The following SIRPD variants were observed in gnomAD, a reference collection of about 807,000 sequenced individuals.
The protein encoded by SIRPD is signal regulatory protein delta.
Under a neutral mutation model 18.0 loss-of-function variants are expected in SIRPD, and 21 were observed. The observed-to-expected ratio is 1.17, with a 90% confidence interval of 0.83 to 1.68. SIRPD has a LOEUF of 1.68. Ranked by LOEUF, SIRPD falls within the 40% of genes most tolerant of loss-of-function variation. SIRPD has a pLI of 0.00. For missense variants in SIRPD, 295 were observed against 238.4 expected, an observed-to-expected ratio of 1.24 and a Z score of -1.56; for synonymous variants, 106 against 92.9, an observed-to-expected ratio of 1.14 and a Z score of -0.81.
chr20:1,537,262 G>A lies in SIRPD; in HGVS notation c.470C>T (p.Ser157Phe), dbSNP rs1018930365. The change falls in exon 3 of 4, where the codon TCC becomes TTC. Residue 157 changes from serine (S) to phenylalanine (F), a missense_variant. By Grantham distance (155) the Ser-to-Phe change is radical (BLOSUM62 -2). Transcript: ENST00000381623. ...GGTATGGGCATCATGGTGGGCCCTG[G>A]AGCCTGCTCTGCCTGCAGGTCTGTT... ...PKNRPAGRAG[S>F]RAHHDAHTCL... The A allele has an allele frequency of 2.5e-6, 4 of 1,614,114 alleles. No homozygotes were observed. In the East Asian group the frequency reaches 6.7e-5, roughly 27 times the overall value.
intron 2 of SIRPD, among the ~76,000 whole-genome samples, chr20:1,538,152 C>A (rs939439177): frequency 6.6e-6 from 1 of 152,146 alleles, no homozygotes; most frequent in African/African-American, 2.4e-5. Flanking sequence ...GACACTGCCT[C>A]CTGTGACTCA....
At position 1,546,244 on chromosome 20, in the gene SIRPD, G is replaced by A. The variant is rs112684016; in HGVS notation, c.421+5447C>T. 9.1e-3 allele frequency among the ~76,000 whole-genome samples: 1,391 copies of A among 152,336 alleles called. 22 individuals are homozygous for A. The highest frequency in any genetic ancestry group is 0.033 in the African/African-American group (1,357 of 41,582). ...AGCTGCCCCTTCCCCCCGGTGCTCTGTCCCAGGGAGATGGGAGTTTTATCT... is the reference window on the plus strand; with the variant it reads ...AGCTGCCCCTTCCCCCCGGTGCTCTATCCCAGGGAGATGGGAGTTTTATCT... On this transcript the variant is annotated intron_variant, in intron 2 of 3. Transcript: ENST00000381623.
chr20:1,534,572 T>A, intron 3 of SIRPD, 131 bp from the exon 4 acceptor site: 1 of 917,994 alleles, frequency 1.1e-6, no homozygotes, highest in Non-Finnish European at 1.6e-6. Context: ...GCTAAGGTTG[T>A]GGTGAGGCAG....
Position 1,551,749 on chromosome 20 carries a change from T to C in SIRPD, c.363A>G (p.Ile121Met), listed in dbSNP as rs867560866. 3.7e-6 allele frequency: 6 copies of C among 1,613,972 alleles called. No individual in the cohort carries two copies. In the African/African-American group the frequency reaches 5.3e-5, roughly 14 times the overall value. ...GGTACTCCTTGATAGCTCTTCCTTT[T>C]ATGAACTTCACGCAGTAATAGGTGC... The part of the protein sequence containing the change: ...DAGTYYCVKF[I>M]KGRAIKEYQS... The change falls in exon 2 of 4, where the codon ATA (isoleucine) becomes ATG (methionine). Residue 121 changes from isoleucine to methionine, a missense_variant. Transcript: ENST00000381623.
intron 3 of SIRPD, 102 bp downstream of exon 3, chr20:1,537,053 C>T: frequency 7.1e-7 from 1 of 1,401,370 alleles, no homozygotes; most frequent in Non-Finnish European, 9.8e-7. Flanking sequence ...GGCCCTAGGA[C>T]AACAGAGATT....
Position 1,557,639 on chromosome 20 carries a change from G to A in SIRPD, c.15C>T (p.Ala5=), listed in dbSNP as rs1403418184. The part of the protein sequence containing the change: MPIP[A]SPLHPPLPSL... The stretch of plus-strand genomic sequence containing the variant: ...AAGGCAGAGGTGGGTGGAGTGGGGA[G>A]GCAGGGATGGGCATTGTGGTGAAAC... The change falls in exon 1 of 4, where the codon GCC becomes GCT. Residue 5 remains alanine, a synonymous_variant. Coordinates refer to ENST00000381623, the MANE Select transcript of SIRPD (RefSeq NM_178460.3). The A allele has an allele frequency of 5.6e-6, 9 of 1,610,408 alleles. No homozygotes were observed. In the Admixed American group the frequency reaches 1.3e-4, roughly 24 times the overall value.
rs755224633 is a variant in SIRPD at position 1,551,715 on chromosome 20, G to A, written c.397C>T (p.Arg133Trp). The change falls in exon 2 of 4, where the codon CGG becomes TGG. Residue 133 changes from arginine (R) to tryptophan (W), a missense_variant. Coordinates refer to ENST00000381623, the MANE Select transcript of SIRPD (RefSeq NM_178460.3). The stretch of plus-strand genomic sequence containing the variant: ...CCAGTAACAAACACCTGAGTGCCCC[G>A]ACCTGATTGGTACTCCTTGATAGCT... ...GRAIKEYQSG[R>W]GTQVFVTEQN... is the part of the protein sequence containing the mutation. 34 of 1,613,594 alleles carry A rather than the reference G, an allele frequency of 2.1e-5. 1 individual carries two copies. Among genetic ancestry groups the A allele is most frequent in the African/African-American group, 8.0e-5 (6 of 74,886 alleles).
At chr20:1,552,706 C>A (rs1045885218) in intron 1 of SIRPD, among the ~76,000 whole-genome samples, 7 of 152,132 alleles carry the variant, frequency 4.6e-5, no homozygotes, top group African/African-American at 1.7e-4. Context: ...CATCACTACC[C>A]TACAATGTGT....
At chr20:1,554,180 A>T (rs1373633183) in intron 1 of SIRPD, 1 of 152,692 alleles carries the variant, frequency 6.5e-6, no homozygotes, top group African/African-American at 2.4e-5. Flanking sequence ...GAACCACAAG[A>T]CAGGCCCTTC....
chr20:1,538,507 T>C (rs1483654711), intron 2 of SIRPD, among the ~76,000 whole-genome samples: 1 of 152,174 alleles, frequency 6.6e-6, no homozygotes, highest in Non-Finnish European at 1.5e-5. Context: ...CCCATGGAGA[T>C]GTAGGCATAT....
At chr20:1,546,552 G>A (rs2090994403) in intron 2 of SIRPD, among the ~76,000 whole-genome samples, 2 of 152,074 alleles carry the variant, frequency 1.3e-5, no homozygotes, top group South Asian at 4.1e-4. Context: ...ATAAACATTT[G>A]TGCACAAATT....
intron 3 of SIRPD, among the ~76,000 whole-genome samples, chr20:1,534,809 G>C (rs989198129): frequency 5.9e-5 from 9 of 152,168 alleles, no homozygotes; most frequent in African/African-American, 2.2e-4. Context: ...ATATATTACT[G>C]ATATTGAGAC....
At chr20:1,554,738 G>A (rs1225995230) in intron 1 of SIRPD, among the ~76,000 whole-genome samples, 1 of 152,010 alleles carries the variant, frequency 6.6e-6, no homozygotes, top group African/African-American at 2.4e-5. Flanking sequence ...TCCCATACCG[G>A]GTGTTCTGTG....
chr20:1,537,158 T>C lies in SIRPD; in HGVS notation c.574A>G (p.Thr192Ala). 6.2e-7 allele frequency: 1 copy of C among 1,613,696 alleles called. No individual in the cohort carries two copies. Among genetic ancestry groups the C allele is most frequent in the Non-Finnish European group, 8.5e-7 (1 of 1,179,746 alleles). Residue 192 changes from threonine to alanine, a missense_variant, in exon 3 of 4, where the codon ACA becomes GCA. Transcript: ENST00000381623. ...PCCCLRLLGL[T>A]GLLSK Reference sequence around the variant, plus strand: ...ACCTGAGGGTGGGGGCACTCACCTGTGAGTCCCAGCAGCCGGAGGCAGCAG... The same window carrying C: ...ACCTGAGGGTGGGGGCACTCACCTGCGAGTCCCAGCAGCCGGAGGCAGCAG...
At chr20:1,544,901 T>G (rs1016273181) in intron 2 of SIRPD, among the ~76,000 whole-genome samples, 27 of 152,220 alleles carry the variant, frequency 1.8e-4, no homozygotes, top group Non-Finnish European at 7.3e-5. Context: ...TATGAAATTC[T>G]GGGTTGAAAA....
chr20:1,543,025 G>A (rs113659788), intron 2 of SIRPD, among the ~76,000 whole-genome samples: 5 of 152,238 alleles, frequency 3.3e-5, no homozygotes, highest in African/African-American at 7.2e-5. Flanking sequence ...TGCTGCATTC[G>A]GTTAGCCAGT....
At chr20:1,534,572 TGGTGAGGCAGGCGC>T (rs2090937496) in intron 3 of SIRPD, 131 bp from the exon 4 acceptor site, 1 of 917,994 alleles carries the variant, frequency 1.1e-6, no homozygotes, top group East Asian at 2.7e-5. Flanking sequence ...GCTAAGGTTG[TGGTGAGGCAGGCGC>T]TCCCACATAC....
chr20:1,538,852 C>T (rs921709997), intron 2 of SIRPD, among the ~76,000 whole-genome samples: 2 of 152,184 alleles, frequency 1.3e-5, no homozygotes, highest in Non-Finnish European at 2.9e-5. Flanking sequence ...CCCCAGGCAA[C>T]ATATAGCAGA....
intron 3 of SIRPD, among the ~76,000 whole-genome samples, chr20:1,536,300 G>A (rs1224082675): frequency 1.3e-5 from 2 of 151,934 alleles, no homozygotes; most frequent in Non-Finnish European, 2.9e-5. Flanking sequence ...TATTTATCCC[G>A]ATTTCACAGA....
Sources: gnomAD v4.1 joint callset for allele counts (sites outside exome capture counted in the v4.1 genomes callset) on GRCh38, gnomAD v4.1.1 for gene constraint, MANE v1.5 for transcripts, NCBI Gene and HGNC (gene_info 2026-07-23, HGNC 2026-07-21) for gene names.